Variants in COL23A1 observed in about 807,000 individuals in gnomAD.
The protein encoded by COL23A1 is collagen alpha-1(XXIII) chain.
A neutral mutation model predicts 99.3 loss-of-function variants in COL23A1; 97 were observed. The observed-to-expected ratio is 0.98, with a 90% CI of 0.83 to 1.16. The LOEUF (loss-of-function observed/expected upper bound fraction) is 1.16, where lower values mean the gene tolerates loss of function less well. Among genes scored for constraint, COL23A1 ranks in the 50% most tolerant of loss-of-function variants. The pLI is 0.00. For synonymous variants in COL23A1, 320 were observed against 308.2 expected (o/e 1.04, Z -0.40); for missense variants, 762 against 757.4 (o/e 1.01, Z -0.07).
At position 178,245,971 on chromosome 5, in the gene COL23A1, G is replaced by A. The variant is rs1201434456; in HGVS notation, c.1414-3C>T. ...AGTCCTGGCTCCCCGGGTCTGCCCT[G>A]AGGAGAGACACAGAGTGGGTGAGAG... is the stretch of plus-strand genomic sequence containing the variant. On this transcript the variant is annotated splice_region_variant and splice_polypyrimidine_tract_variant and intron_variant, in intron 24 of 28. Transcript: ENST00000390654. 6 of 1,613,954 alleles carry A rather than the reference G, an allele frequency of 3.7e-6. No homozygotes were observed. The highest frequency in any genetic ancestry group is 5.1e-6 in the Non-Finnish European group (6 of 1,180,000).
chr5:178,534,236 T>G (rs1251588841), intron 2 of COL23A1, among the ~76,000 whole-genome samples: 1 of 152,168 alleles, frequency 6.6e-6, no homozygotes, highest in Non-Finnish European at 1.5e-5. Context: ...ACAACCATCT[T>G]ATTGTACCTT....
intron 18 of COL23A1, among the ~76,000 whole-genome samples, chr5:178,249,716 A>ACACACTCACTCT: frequency 1.4e-4 from 13 of 92,808 alleles, no homozygotes; most frequent in South Asian, 4.2e-4. Context: ...ACACACACAC[A>ACACACTCACTCT]CTCTCTCTCT....
At chr5:178,258,937 C>T (rs1462644828) in intron 12 of COL23A1, among the ~76,000 whole-genome samples, 3 of 124,960 alleles carry the variant, frequency 2.4e-5, no homozygotes, top group Admixed American at 8.8e-5. Flanking sequence ...TTTTTTGAGA[C>T]GAGTCTCACT....
intron 18 of COL23A1, among the ~76,000 whole-genome samples, chr5:178,249,716 A>ACACACACACTCACTCTCTCTCT: frequency 5.2e-4 from 48 of 92,804 alleles, no homozygotes; most frequent in East Asian, 2.9e-3. Flanking sequence ...ACACACACAC[A>ACACACACACTCACTCTCTCTCT]CTCTCTCTCT....
intron 4 of COL23A1, 38 bp downstream of exon 4, chr5:178,290,324 A>C (rs773442070): frequency 2.1e-5 from 34 of 1,613,778 alleles, no homozygotes; most frequent in Non-Finnish European, 2.8e-5. Flanking sequence ...CAAACATCTT[A>C]TCTTTCAGAA....
intron 2 of COL23A1, among the ~76,000 whole-genome samples, chr5:178,469,107 G>A (rs941588516): frequency 2.0e-5 from 3 of 152,194 alleles, no homozygotes; most frequent in Non-Finnish European, 4.4e-5. Flanking sequence ...AAGCTGAACC[G>A]CATCCTGTTG....
At chr5:178,277,481 G>A (rs1041318953) in intron 5 of COL23A1, among the ~76,000 whole-genome samples, 3 of 152,218 alleles carry the variant, frequency 2.0e-5, no homozygotes, top group South Asian at 2.1e-4. Flanking sequence ...GGGAGATCTC[G>A]CAGACCCTGG....
intron 2 of COL23A1, among the ~76,000 whole-genome samples, chr5:178,475,682 C>A (rs77906747): frequency 0.018 from 2,788 of 152,278 alleles, 102 homozygotes; most frequent in African/African-American, 0.063. Context: ...AGTCTATGCT[C>A]AGGGTCACAC....
At chr5:178,429,659 C>G (rs528731014) in intron 2 of COL23A1, among the ~76,000 whole-genome samples, 2 of 152,250 alleles carry the variant, frequency 1.3e-5, no homozygotes, top group African/African-American at 2.4e-5. Context: ...CACGCACTCT[C>G]GCCTGGACAC....
intron 2 of COL23A1, among the ~76,000 whole-genome samples, chr5:178,465,863 AC>A (rs925501594): frequency 5.3e-5 from 8 of 152,178 alleles, no homozygotes; most frequent in African/African-American, 1.9e-4. Context: ...GTCAGTACCA[AC>A]CAGCGGTGGT....
chr5:178,551,637 C>T (rs979023435), intron 2 of COL23A1, among the ~76,000 whole-genome samples: 3 of 152,268 alleles, frequency 2.0e-5, no homozygotes, highest in Non-Finnish European at 4.4e-5. Flanking sequence ...CAGCTGTTCC[C>T]GGCTATCAAT....
At chr5:178,259,809 C>T in intron 11 of COL23A1, 62 bp from the exon 12 acceptor site, 1 of 1,502,654 alleles carries the variant, frequency 6.7e-7, no homozygotes, top group Non-Finnish European at 9.0e-7. Flanking sequence ...GGCCCGGACC[C>T]CGGACCTCTT....
intron 2 of COL23A1, chr5:178,438,612 T>G (rs1206006068): frequency 6.6e-6 from 1 of 152,200 alleles, no homozygotes; most frequent in Non-Finnish European, 1.5e-5. Context: ...ATATTTTATG[T>G]AAACCAGATG....
intron 1 of COL23A1, among the ~76,000 whole-genome samples, chr5:178,573,637 T>C (rs745383953): frequency 4.6e-5 from 7 of 152,254 alleles, no homozygotes; most frequent in Non-Finnish European, 8.8e-5. Context: ...AAATTATTTT[T>C]GTAGAAAATA....
chr5:178,247,696 A>G, intron 21 of COL23A1, 79 bp downstream of exon 21: 1 of 1,551,500 alleles, frequency 6.4e-7, no homozygotes, highest in South Asian at 1.1e-5. Flanking sequence ...CTCCTGGGTC[A>G]TGGCTCTGGG....
intron 2 of COL23A1, among the ~76,000 whole-genome samples, chr5:178,382,578 G>A (rs1410432701): frequency 6.6e-6 from 1 of 152,130 alleles, no homozygotes; most frequent in Non-Finnish European, 1.5e-5. Flanking sequence ...AGAGTGGGGG[G>A]TGAGGAGGGC....
chr5:178,262,136 G>T, intron 10 of COL23A1, 81 bp downstream of exon 10: 2 of 1,420,566 alleles, frequency 1.4e-6, no homozygotes, highest in South Asian at 1.2e-5. Context: ...CCCTGCTGTC[G>T]GCGTGTGTGG....
intron 8 of COL23A1, among the ~76,000 whole-genome samples, chr5:178,264,803 TTATTAC>T (rs1295214058): frequency 6.6e-6 from 1 of 152,094 alleles, no homozygotes; most frequent in Non-Finnish European, 1.5e-5. Flanking sequence ...ATTATTATTA[TTATTAC>T]TATTATTTGT....
intron 26 of COL23A1, 79 bp from the exon 27 acceptor site, chr5:178,242,207 G>C: frequency 1.4e-6 from 2 of 1,468,040 alleles, no homozygotes; most frequent in South Asian, 1.2e-5. Flanking sequence ...AGAGAAGCGC[G>C]TGGGGCCAGC....
Sources: gnomAD v4.1 joint callset for allele counts (sites outside exome capture counted in the v4.1 genomes callset) on GRCh38, gnomAD v4.1.1 for gene constraint, MANE v1.5 for transcripts, NCBI Gene and HGNC (gene_info 2026-07-23, HGNC 2026-07-21) for gene names.